WDR72: variants seen among roughly 807,000 people sequenced by gnomAD.
WDR72 encodes WD repeat domain 72.
A neutral mutation model predicts 124.2 loss-of-function variants in WDR72; 120 were observed. The ratio of observed to expected loss-of-function variants is 0.97; its 90% confidence interval spans 0.83 to 1.12. WDR72 has a LOEUF of 1.12. Ranked by LOEUF, WDR72 falls within the 50% of genes most tolerant of loss-of-function variation. The pLI is 0.00. For synonymous variants in WDR72, 452 were observed against 441.7 expected (o/e 1.02, Z -0.29); for missense variants, 1,387 against 1,278.8 (o/e 1.08, Z -1.29).
chr15:53,521,045 C>A (rs1891765579), intron 19 of WDR72, among the ~76,000 whole-genome samples: 2 of 152,038 alleles, frequency 1.3e-5, no homozygotes, highest in Admixed American at 6.6e-5. Flanking sequence ...CTGAACTGCA[C>A]AGAGCTGGAA....
At chr15:53,608,468 A>C (rs1233207158) in intron 17 of WDR72, among the ~76,000 whole-genome samples, 1 of 135,990 alleles carries the variant, frequency 7.4e-6, no homozygotes, top group African/African-American at 2.5e-5. Flanking sequence ...CTCGCAATCA[A>C]AACAGGTCAG....
At chr15:53,745,026 C>T (rs944216447) in intron 1 of WDR72, among the ~76,000 whole-genome samples, 5 of 104,352 alleles carry the variant, frequency 4.8e-5, no homozygotes, top group Non-Finnish European at 7.6e-5. Context: ...TCAAACTATA[C>T]TTTATTGTAA....
rs575868343 is a variant in WDR72 at position 53,552,128 on chromosome 15, A to G, written c.3149-28806T>C. On this transcript the variant is annotated intron_variant, in intron 18 of 19. Coordinates refer to ENST00000360509, the MANE Select transcript of WDR72 (RefSeq NM_182758.4). ...TCAACTGAATTATTCTATACCTATC[A>G]TGTGTGTGTGTGTGTGTGTGTGTGT... is the stretch of plus-strand genomic sequence containing the variant. Among the ~76,000 whole-genome samples the G allele has an allele frequency of 5.6e-3, 837 of 149,856 alleles. 3 individuals carry two copies. The highest frequency in any genetic ancestry group is 6.8e-3 in the Non-Finnish European group (461 of 67,432).
intron 17 of WDR72, among the ~76,000 whole-genome samples, chr15:53,608,781 T>A (rs1161235151): frequency 6.6e-6 from 1 of 150,710 alleles, no homozygotes; most frequent in Admixed American, 6.6e-5. Context: ...AATAAATAAA[T>A]AAATATAAAA....
intron 14 of WDR72, among the ~76,000 whole-genome samples, chr15:53,619,983 TG>T (rs61338743): frequency 0.079 from 11,980 of 152,026 alleles, 1,585 homozygotes; most frequent in African/African-American, 0.28. Flanking sequence ...GTTTTGATAA[TG>T]GGGGGAGTAA....
At chr15:53,748,133 C>A (rs550481263) in intron 1 of WDR72, among the ~76,000 whole-genome samples, 1 of 152,180 alleles carries the variant, frequency 6.6e-6, no homozygotes, top group East Asian at 1.9e-4. Context: ...CAGAAAAACA[C>A]CATCCTTGCC....
At chr15:53,543,153 A>G (rs1893242386) in intron 18 of WDR72, among the ~76,000 whole-genome samples, 1 of 142,712 alleles carries the variant, frequency 7.0e-6, no homozygotes, top group African/African-American at 2.6e-5. Flanking sequence ...CCTAATAGAC[A>G]TCTACAGAAC....
Position 53,616,071 on chromosome 15 carries a change from A to G in WDR72, c.2135T>C (p.Val712Ala), listed in dbSNP as rs757944075. 1 of 1,609,430 alleles carries G rather than the reference A, an allele frequency of 6.2e-7. No individual in the cohort carries two copies. The highest frequency in any genetic ancestry group is 8.5e-7 in the Non-Finnish European group (1 of 1,177,314). Reference sequence around the variant, plus strand: ...CACTGTGCTCTTGGCTCTTCTCAGGACCTCACCACCATAGAATGAACTGGA... The same window carrying G: ...CACTGTGCTCTTGGCTCTTCTCAGGGCCTCACCACCATAGAATGAACTGGA... ...DSSSSFYGGE[V>A]LRRAKSTVEK... is the part of the protein sequence containing the mutation. Residue 712 changes from valine to alanine, a missense_variant, in exon 15 of 20, where the codon GTC becomes GCC. By Grantham distance (64) the Val-to-Ala change is moderately conservative. Coordinates refer to ENST00000360509, the MANE Select transcript of WDR72 (RefSeq NM_182758.4).
chr15:53,632,422 G>T (rs569814355), intron 14 of WDR72, among the ~76,000 whole-genome samples: 12 of 152,070 alleles, frequency 7.9e-5, no homozygotes, highest in South Asian at 6.2e-4. Context: ...CCAAGCAGAA[G>T]TCTGCCGCAG....
intron 14 of WDR72, among the ~76,000 whole-genome samples, chr15:53,631,739 T>G (rs1370216168): frequency 6.6e-6 from 1 of 152,172 alleles, no homozygotes; most frequent in Non-Finnish European, 1.5e-5. Context: ...AGAGGGTGGC[T>G]GTATTGTGGG....
chr15:53,541,166 C>G (rs551707355), intron 18 of WDR72: 2 of 153,480 alleles, frequency 1.3e-5, no homozygotes, highest in African/African-American at 4.8e-5. Flanking sequence ...CTGCCTGCCT[C>G]TGTAGGCTCC....
At chr15:53,664,508 C>T (rs1388529888) in intron 14 of WDR72, among the ~76,000 whole-genome samples, 1 of 151,584 alleles carries the variant, frequency 6.6e-6, no homozygotes, top group African/African-American at 2.4e-5. Context: ...TTGATGATGA[C>T]ACATTATTTT....
chr15:53,548,002 T>C (rs746668324), intron 18 of WDR72, among the ~76,000 whole-genome samples: 8 of 152,206 alleles, frequency 5.3e-5, no homozygotes, highest in Non-Finnish European at 7.4e-5. Context: ...GTCTTTGTAA[T>C]TGACCACTTG....
At chr15:53,646,044 G>C (rs1252597462) in intron 14 of WDR72, among the ~76,000 whole-genome samples, 1 of 152,084 alleles carries the variant, frequency 6.6e-6, no homozygotes. Context: ...GTGATGATGT[G>C]GCTTCTTAAA....
chr15:53,520,726 T>G (rs1566938762), intron 19 of WDR72, among the ~76,000 whole-genome samples: 1 of 152,054 alleles, frequency 6.6e-6, no homozygotes, highest in Admixed American at 6.6e-5. Flanking sequence ...CCCCTACATT[T>G]TGAAAGACTT....
At chr15:53,598,767 T>C (rs577881176) in intron 17 of WDR72, among the ~76,000 whole-genome samples, 2 of 152,296 alleles carry the variant, frequency 1.3e-5, no homozygotes, top group Non-Finnish European at 2.9e-5. Context: ...TAACATGAGG[T>C]ACTGCCTAAT....
intron 14 of WDR72, among the ~76,000 whole-genome samples, chr15:53,624,005 C>T (rs567654387): frequency 6.4e-4 from 98 of 152,164 alleles, no homozygotes; most frequent in African/African-American, 2.1e-3. Flanking sequence ...TGTATGCTCA[C>T]GACTTTTCCC....
chr15:53,522,150 A>G (rs778584186), intron 19 of WDR72, among the ~76,000 whole-genome samples: 1 of 152,054 alleles, frequency 6.6e-6, no homozygotes, highest in Non-Finnish European at 1.5e-5. Context: ...GGGTTCCGAG[A>G]TGACTTAGGG....
intron 18 of WDR72, among the ~76,000 whole-genome samples, chr15:53,580,825 T>G (rs920300215): frequency 6.6e-6 from 1 of 152,044 alleles, no homozygotes; most frequent in Admixed American, 6.6e-5. Flanking sequence ...CAGGGATGTA[T>G]AGAAAAACTA....
Sources: gnomAD v4.1 joint callset for allele counts (sites outside exome capture counted in the v4.1 genomes callset) on GRCh38, gnomAD v4.1.1 for gene constraint, MANE v1.5 for transcripts, NCBI Gene and HGNC (gene_info 2026-07-23, HGNC 2026-07-21) for gene names.